VPS8: variants seen among roughly 807,000 people sequenced by gnomAD.
VPS8 encodes VPS8 subunit of CORVET complex, also known as vacuolar protein sorting-associated protein 8 homolog.
VPS8 carries 129 observed loss-of-function variants against 216.4 expected under a neutral mutation model. The observed-to-expected ratio is 0.60, with a 90% CI of 0.52 to 0.69. VPS8 has a LOEUF of 0.69. Ranked by LOEUF, VPS8 falls within the 30% of genes least tolerant of loss-of-function variation. The probability of loss-of-function intolerance (pLI) is 0.00; values close to 1 mark genes in which losing one functional copy is unlikely to be tolerated. For synonymous variants in VPS8, 571 were observed against 565.4 expected (o/e 1.01, Z -0.14); for missense variants, 1,531 against 1,683.5 (o/e 0.91, Z 1.59).
At chr3:184,913,722 T>C (rs1277851689) in intron 26 of VPS8, among the ~76,000 whole-genome samples, 161 bp downstream of exon 26, 1 of 152,212 alleles carries the variant, frequency 6.6e-6, no homozygotes, top group African/African-American at 2.4e-5. Flanking sequence ...TGTCTCCTAC[T>C]CCCTGGAGAT....
chr3:184,989,339 A>G (rs1402834997), intron 42 of VPS8, among the ~76,000 whole-genome samples: 1 of 152,190 alleles, frequency 6.6e-6, no homozygotes, highest in Admixed American at 6.5e-5. Context: ...GATTTTATCA[A>G]GTGCATTTTC....
At chr3:184,812,592 G>GT (rs1250826479) in intron 1 of VPS8, 1 of 152,270 alleles carries the variant, frequency 6.6e-6, no homozygotes, top group African/African-American at 2.4e-5. Context: ...CTCCGGTGAT[G>GT]TATTTGTGTA....
chr3:184,975,539 A>G (rs1005604536), intron 40 of VPS8, among the ~76,000 whole-genome samples: 12 of 151,396 alleles, frequency 7.9e-5, no homozygotes, highest in African/African-American at 2.9e-4. Flanking sequence ...GATGCCTTTT[A>G]TTTCTTCCTC....
At chr3:184,876,191 T>G (rs1021899247) in intron 21 of VPS8, among the ~76,000 whole-genome samples, 2 of 152,162 alleles carry the variant, frequency 1.3e-5, no homozygotes, top group African/African-American at 4.8e-5. Context: ...CCTACCTCTC[T>G]GACTGCTTAT....
chr3:185,029,349 C>T (rs949765486), intron 46 of VPS8, among the ~76,000 whole-genome samples: 3 of 152,204 alleles, frequency 2.0e-5, no homozygotes, highest in Middle Eastern at 3.4e-3. Flanking sequence ...CTCTGTTGAC[C>T]GATAACTGAA....
intron 45 of VPS8, among the ~76,000 whole-genome samples, chr3:185,002,966 G>A (rs1411576462): frequency 6.6e-6 from 1 of 152,204 alleles, no homozygotes; most frequent in Admixed American, 6.5e-5. Context: ...TAGATACCAA[G>A]TAATGGAATT....
chr3:184,931,754 A>G (rs2109247197), intron 34 of VPS8, among the ~76,000 whole-genome samples: 1 of 152,270 alleles, frequency 6.6e-6, no homozygotes, highest in African/African-American at 2.4e-5. Context: ...ATAACCCAAC[A>G]AGTCATTCTC....
In VPS8 at chr3:185,039,253, G is replaced by T. The variant is rs189759062; in HGVS notation, c.4057-9226G>T. On this transcript the variant is annotated intron_variant, in intron 46 of 47. Transcript: ENST00000625842. ...AGTTTTCGTTTTATAGTTTTCACCAGTTTTTATTTGGAGTTTATCTTAATC... is the reference window on the plus strand; with the variant it reads ...AGTTTTCGTTTTATAGTTTTCACCATTTTTTATTTGGAGTTTATCTTAATC... 2.8e-3 allele frequency among the ~76,000 whole-genome samples: 419 copies of T among 152,250 alleles called. 3 individuals carry two copies. The highest frequency in any genetic ancestry group is 0.025 in the East Asian group (127 of 5,170).
At position 184,957,359 on chromosome 3, in the gene VPS8, CTTTTA is replaced by C. The variant is rs3832240; in HGVS notation, c.3036-13_3036-9del. On this transcript the variant is annotated splice_polypyrimidine_tract_variant and intron_variant, in intron 36 of 47. Coordinates refer to ENST00000625842, the MANE Select transcript of VPS8 (RefSeq NM_001009921.3). ...TGCTACAATTGAGTGTTCTCTTTAT[CTTTTA>C]TGTTTTTAGGGAAGGTATTCATGTA... 0.23 allele frequency: 373,135 copies of C among 1,595,558 alleles called. 50,236 individuals are homozygous for C. Among genetic ancestry groups the C allele is most frequent in the East Asian group, 0.61 (27,341 of 44,492 alleles).
At chr3:184,845,230 C>G (rs1722902615) in intron 8 of VPS8, among the ~76,000 whole-genome samples, 1 of 152,050 alleles carries the variant, frequency 6.6e-6, no homozygotes, top group Non-Finnish European at 1.5e-5. Context: ...TCATTTTGTT[C>G]TTTACATGTA....
At chr3:184,916,576 A>G (rs919520084) in intron 28 of VPS8, among the ~76,000 whole-genome samples, 1 of 152,214 alleles carries the variant, frequency 6.6e-6, no homozygotes, top group South Asian at 2.1e-4. Context: ...GAAGGTTATT[A>G]TCATTTGAAT....
intron 34 of VPS8, among the ~76,000 whole-genome samples, chr3:184,933,562 A>G (rs1046920684): frequency 4.6e-5 from 7 of 151,652 alleles, no homozygotes; most frequent in African/African-American, 1.7e-4. Flanking sequence ...TAAGTGGTCA[A>G]AATAATCATT....
At chr3:185,026,410 CTTTTTTT>C (rs3045678) in intron 46 of VPS8, among the ~76,000 whole-genome samples, 2 of 119,122 alleles carry the variant, frequency 1.7e-5, no homozygotes, top group African/African-American at 6.4e-5. Flanking sequence ...GGCTGTATTT[CTTTTTTT>C]TTTTTTTTTT....
intron 45 of VPS8, 89 bp from the exon 46 acceptor site, chr3:185,024,247 C>A: frequency 8.5e-7 from 1 of 1,179,000 alleles, no homozygotes; most frequent in Non-Finnish European, 1.2e-6. Flanking sequence ...CTTAGTTATA[C>A]CAATTCTAGT....
intron 46 of VPS8, among the ~76,000 whole-genome samples, chr3:185,025,068 C>T (rs1162131902): frequency 2.0e-5 from 3 of 151,970 alleles, no homozygotes; most frequent in Admixed American, 6.6e-5. Flanking sequence ...AAAAAACTGG[C>T]CTGAGATAGT....
rs183361437 is a variant in VPS8 at position 184,898,994 on chromosome 3, T to C, written c.2094+340T>C. 2.6e-3 allele frequency among the ~76,000 whole-genome samples: 389 copies of C among 152,286 alleles called. 1 individual carries two copies. Among genetic ancestry groups the C allele is most frequent in the Middle Eastern group, 0.01 (3 of 294 alleles). ...TTTCTAAAGATACGAAAAATTTATTTTGTATAATTATTTTATATAATCAAT... is the reference window on the plus strand; with the variant it reads ...TTTCTAAAGATACGAAAAATTTATTCTGTATAATTATTTTATATAATCAAT... On this transcript the variant is annotated intron_variant, in intron 24 of 47. Coordinates refer to ENST00000625842, the MANE Select transcript of VPS8 (RefSeq NM_001009921.3).
chr3:184,886,490 T>TAC (rs1187026081), intron 22 of VPS8, among the ~76,000 whole-genome samples: 25 of 150,784 alleles, frequency 1.7e-4, no homozygotes, highest in Non-Finnish European at 2.7e-4. Context: ...CACGCATATA[T>TAC]ACACACACAT....
chr3:184,887,691 C>T (rs1731539133), intron 22 of VPS8, among the ~76,000 whole-genome samples: 1 of 152,102 alleles, frequency 6.6e-6, no homozygotes, highest in Admixed American at 6.5e-5. Context: ...TGATAGAGAA[C>T]AAATGTGAAG....
chr3:184,962,365 C>T (rs1746681167), intron 37 of VPS8, among the ~76,000 whole-genome samples: 1 of 152,194 alleles, frequency 6.6e-6, no homozygotes, highest in Admixed American at 6.5e-5. Context: ...CTATTCTCAT[C>T]AGCAGTGTCT....
Sources: gnomAD v4.1 joint callset for allele counts (sites outside exome capture counted in the v4.1 genomes callset) on GRCh38, gnomAD v4.1.1 for gene constraint, MANE v1.5 for transcripts, NCBI Gene and HGNC (gene_info 2026-07-23, HGNC 2026-07-21) for gene names.